CTSS: variants seen among roughly 807,000 people sequenced by gnomAD.
The protein encoded by CTSS is cathepsin S.
In CTSS, 15 loss-of-function variants were observed where a neutral mutation model predicts 39.9. That is an observed-to-expected ratio of 0.38 (90% CI 0.25 to 0.58). CTSS has a LOEUF of 0.58. CTSS is among the 20% of genes least tolerant of loss of function. The probability of loss-of-function intolerance (pLI) is 0.70; values close to 1 mark genes in which losing one functional copy is unlikely to be tolerated. For missense variants in CTSS, 250 were observed against 398.2 expected, an observed-to-expected ratio of 0.63 and a Z score of 3.17; for synonymous variants, 126 against 138.2, an observed-to-expected ratio of 0.91 and a Z score of 0.62.
intron 7 of CTSS, among the ~76,000 whole-genome samples, chr1:150,747,396 A>G (rs1308709410): frequency 3.3e-5 from 5 of 152,206 alleles, no homozygotes; most frequent in Admixed American, 3.3e-4. Flanking sequence ...TATAAAGGTT[A>G]TAGCTAGAGT....
At chr1:150,749,641 TTC>T (rs922445905) in intron 6 of CTSS, among the ~76,000 whole-genome samples, 2 of 144,904 alleles carry the variant, frequency 1.4e-5, no homozygotes, top group Admixed American at 7.0e-5. Context: ...TCTTCCTTCT[TTC>T]TCTTTCTTTC....
intron 1 of CTSS, among the ~76,000 whole-genome samples, chr1:150,765,458 A>G (rs1180204063): frequency 6.6e-6 from 1 of 152,230 alleles, no homozygotes; most frequent in African/African-American, 2.4e-5. Flanking sequence ...AACATCTGGA[A>G]TTTTAAACAT....
rs1409022277 is a variant in CTSS, at chr1:150,764,707, A to G, written c.57T>C (p.His19=). The G allele has an allele frequency of 6.2e-7, 1 of 1,614,164 alleles. No individual in the cohort carries two copies. Among genetic ancestry groups the G allele is most frequent in the East Asian group, 2.2e-5 (1 of 44,890 alleles). Residue 19 remains histidine (H), a synonymous_variant, in exon 2 of 8, where the codon CAT becomes CAC. Coordinates refer to ENST00000368985, the MANE Select transcript of CTSS (RefSeq NM_004079.5). ...AGTGGTGATCCAGGGTAGGATCTTT[A>G]TGCAACTGTGCCACTGCAGAGGAGC... is the stretch of plus-strand genomic sequence containing the variant. ...LVCSSAVAQL[H]KDPTLDHHWH...
At chr1:150,748,529 C>T (rs1373450714) in intron 6 of CTSS, among the ~76,000 whole-genome samples, 1 of 150,382 alleles carries the variant, frequency 6.6e-6, no homozygotes, top group Non-Finnish European at 1.5e-5. Flanking sequence ...TCTGTGTATA[C>T]AGGCATATCT....
intron 7 of CTSS, among the ~76,000 whole-genome samples, chr1:150,740,003 A>G (rs990583974): frequency 1.4e-4 from 21 of 152,220 alleles, no homozygotes; most frequent in African/African-American, 5.1e-4. Flanking sequence ...ACTCCATTAG[A>G]CTATGAGTAC....
At position 150,745,012 on chromosome 1, in the gene CTSS, T is replaced by C. The variant is rs72704611; in HGVS notation, c.896+2765A>G. Among the ~76,000 whole-genome samples, 1,204 of 152,130 alleles carry C rather than the reference T, an allele frequency of 7.9e-3. 8 individuals carry two copies. Among genetic ancestry groups the C allele is most frequent in the Non-Finnish European group, 0.014 (924 of 67,994 alleles). On this transcript the variant is annotated intron_variant, in intron 7 of 7. Transcript: ENST00000368985. ...TAGTTTCATTTTAAAAAGCTATCAC[T>C]GGTCTACACCCAAGCTGATCAGTGC...
In CTSS at chr1:150,752,004, G is replaced by T; in HGVS notation, c.404C>A (p.Ser135Tyr). ...GCVTEVKYQG[S>Y]CGACWAFSAV... is the part of the protein sequence containing the mutation. ...ACTGAAAGCCCAGCAAGCACCACAA[G>T]AACCCTAAAACAGATACAAGGTCAC... The change falls in exon 5 of 8, where the codon TCT (serine) becomes TAT (tyrosine). Residue 135 changes from serine (S) to tyrosine (Y), a missense_variant. Coordinates refer to ENST00000368985, the MANE Select transcript of CTSS (RefSeq NM_004079.5). 1 of 1,613,986 alleles carries T rather than the reference G, an allele frequency of 6.2e-7. No individual in the cohort carries two copies. Among genetic ancestry groups the T allele is most frequent in the South Asian group, 1.1e-5 (1 of 91,048 alleles).
rs1652521780 is a variant in CTSS, at chr1:150,731,544, A to G, written c.*1502T>C. 6.6e-6 allele frequency: 1 copy of G among 152,230 alleles called. No homozygotes were observed. The highest frequency in any genetic ancestry group is 1.5e-5 in the Non-Finnish European group (1 of 68,042). The allele number at this position is 152,230 out of a possible 1,614,324, so 9.4% of individuals were successfully genotyped here. A position where few individuals can be genotyped will look rare whatever the true frequency, so the allele number is the denominator to read the frequency against. On this transcript the variant is annotated 3_prime_UTR_variant, in exon 8 of 8. Coordinates refer to ENST00000368985, the MANE Select transcript of CTSS (RefSeq NM_004079.5). ...ATGTGCTTTATGGAGAAGGAGCCAG[A>G]GTTAGTGAAATACGTTTAGGTTAAT... is the stretch of plus-strand genomic sequence containing the variant.
intron 2 of CTSS, among the ~76,000 whole-genome samples, chr1:150,764,060 T>C (rs12059376): frequency 1.3e-5 from 2 of 152,100 alleles, no homozygotes; most frequent in Non-Finnish European, 2.9e-5. Context: ...CTACTCTCCA[T>C]GCCTTCTGTT....
At chr1:150,756,682 T>A (rs1653134251) in intron 3 of CTSS, among the ~76,000 whole-genome samples, 1 of 151,786 alleles carries the variant, frequency 6.6e-6, no homozygotes. Context: ...CTCTTTCACT[T>A]ACATCCTTCT....
rs1451884756 is a variant in CTSS, at chr1:150,730,383, A to G, written c.*2663T>C. On this transcript the variant is annotated 3_prime_UTR_variant, in exon 8 of 8. Transcript: ENST00000368985. Reference sequence around the variant, plus strand: ...AAATGTAATAAACTGGGGGAAACTGAGAGGCCTGTTTGTTTAGATTCCTCT... The same window carrying G: ...AAATGTAATAAACTGGGGGAAACTGGGAGGCCTGTTTGTTTAGATTCCTCT... 1 of 152,202 alleles carries G rather than the reference A, an allele frequency of 6.6e-6. No homozygotes were observed. The allele number at this position is 152,202 out of a possible 1,614,324, so 9.4% of individuals were successfully genotyped here.
At chr1:150,744,738 T>C (rs146995628) in intron 7 of CTSS, among the ~76,000 whole-genome samples, 68 of 147,102 alleles carry the variant, frequency 4.6e-4, no homozygotes, top group African/African-American at 1.5e-3. Flanking sequence ...TATTTTTTCA[T>C]GTTAGATTGT....
chr1:150,732,718 G>T lies in CTSS; in HGVS notation c.*328C>A, dbSNP rs1011717723. 5.6e-6 allele frequency: 1 copy of T among 179,576 alleles called. No individual in the cohort carries two copies. Among genetic ancestry groups the T allele is most frequent in the Admixed American group, 6.0e-5 (1 of 16,662 alleles). The allele number at this position is 179,576 out of a possible 1,614,324, so 11.1% of individuals were successfully genotyped here. On this transcript the variant is annotated 3_prime_UTR_variant, in exon 8 of 8. Coordinates refer to ENST00000368985, the MANE Select transcript of CTSS (RefSeq NM_004079.5). ...CAACCTCTTGGGTTCAAGGAATCTC[G>T]TGCCTCAGCCTCCCAAGTAGCTGGG...
At chr1:150,737,755 T>C (rs747066816) in intron 7 of CTSS, among the ~76,000 whole-genome samples, 2 of 152,154 alleles carry the variant, frequency 1.3e-5, no homozygotes, top group Non-Finnish European at 2.9e-5. Context: ...CTTGATGATA[T>C]ATATGATTAG....
intron 2 of CTSS, among the ~76,000 whole-genome samples, chr1:150,764,370 T>G (rs897742852): frequency 3.3e-5 from 5 of 152,120 alleles, no homozygotes; most frequent in Non-Finnish European, 5.9e-5. Context: ...CCCGAGTAGC[T>G]GGGATTACAG....
At chr1:150,757,073 T>C (rs1249328297) in intron 3 of CTSS, among the ~76,000 whole-genome samples, 2 of 152,048 alleles carry the variant, frequency 1.3e-5, no homozygotes, top group South Asian at 2.1e-4. Flanking sequence ...AAAACTGCCA[T>C]GGAATAAAAA....
intron 7 of CTSS, among the ~76,000 whole-genome samples, chr1:150,738,272 A>G (rs1652674269): frequency 6.6e-6 from 1 of 152,068 alleles, no homozygotes; most frequent in Non-Finnish European, 1.5e-5. Context: ...GTGCAAGCAA[A>G]TCTTGTTTTA....
intron 7 of CTSS, among the ~76,000 whole-genome samples, chr1:150,733,535 G>C (rs1652568926): frequency 6.6e-6 from 1 of 152,136 alleles, no homozygotes; most frequent in Non-Finnish European, 1.5e-5. Flanking sequence ...TCTAGAGAAT[G>C]TCAATTAAGA....
intron 7 of CTSS, among the ~76,000 whole-genome samples, chr1:150,746,969 T>G (rs1022783106): frequency 6.6e-6 from 1 of 151,996 alleles, no homozygotes; most frequent in Non-Finnish European, 1.5e-5. Flanking sequence ...GGCAGCAGTA[T>G]GAAAGATGGA....
Sources: allele counts gnomAD v4.1 joint callset (sites outside exome capture counted in the v4.1 genomes callset), GRCh38; gene constraint gnomAD v4.1.1; transcripts MANE v1.5; gene names NCBI Gene and HGNC (gene_info 2026-07-23, HGNC 2026-07-21).